Variants in SLC9A9 observed in about 807,000 individuals in gnomAD.
The protein encoded by SLC9A9 is solute carrier family 9 member A9, also known as sodium/hydrogen exchanger 9.
Under a neutral mutation model 77.8 loss-of-function variants are expected in SLC9A9, and 62 were observed. That is an observed-to-expected ratio of 0.80 (90% CI 0.65 to 0.98). SLC9A9 has a LOEUF of 0.98. SLC9A9 is among the 50% of genes least tolerant of loss of function. The pLI is 0.00. For missense variants in SLC9A9, 775 were observed against 774.9 expected (o/e 1.00, Z 0.00); for synonymous variants, 320 against 283.5 (o/e 1.13, Z -1.29).
chr3:143,740,631 AT>A (rs1306849462), intron 4 of SLC9A9, among the ~76,000 whole-genome samples: 2 of 152,228 alleles, frequency 1.3e-5, no homozygotes, highest in African/African-American at 4.8e-5. Context: ...AATTTATTTA[AT>A]AAATGATCAT....
At chr3:143,732,708 C>T (rs564506326) in intron 4 of SLC9A9, among the ~76,000 whole-genome samples, 2 of 152,328 alleles carry the variant, frequency 1.3e-5, no homozygotes, top group East Asian at 3.9e-4. Context: ...TATTAACCTC[C>T]TTCCCAGCCA....
At chr3:143,550,768 T>A (rs2036868006) in intron 9 of SLC9A9, among the ~76,000 whole-genome samples, 1 of 152,224 alleles carries the variant, frequency 6.6e-6, no homozygotes, top group African/African-American at 2.4e-5. Flanking sequence ...GTTGTGTGGT[T>A]GTTACACAGC....
At chr3:143,451,100 G>C (rs1410770101) in intron 12 of SLC9A9, among the ~76,000 whole-genome samples, 1 of 151,346 alleles carries the variant, frequency 6.6e-6, no homozygotes, top group Non-Finnish European at 1.5e-5. Flanking sequence ...TCCAAACACG[G>C]GGCAGCTTCA....
intron 9 of SLC9A9, among the ~76,000 whole-genome samples, chr3:143,543,176 G>A (rs1252271362): frequency 6.6e-6 from 1 of 152,122 alleles, no homozygotes; most frequent in Non-Finnish European, 1.5e-5. Flanking sequence ...TACCCTTATA[G>A]GATAGAATTC....
At chr3:143,775,390 G>A (rs973565190) in intron 4 of SLC9A9, among the ~76,000 whole-genome samples, 22 of 152,122 alleles carry the variant, frequency 1.4e-4, no homozygotes, top group African/African-American at 4.6e-4. Flanking sequence ...GAAAAATTAA[G>A]AGGTTACATT....
At chr3:143,764,080 CT>C (rs1186678310) in intron 4 of SLC9A9, among the ~76,000 whole-genome samples, 1 of 152,042 alleles carries the variant, frequency 6.6e-6, no homozygotes, top group Non-Finnish European at 1.5e-5. Context: ...TAGAATTTCA[CT>C]TCTTTTTTAA....
intron 13 of SLC9A9, 69 bp from the exon 14 acceptor site, chr3:143,363,632 C>G (rs1553747050): frequency 1.4e-6 from 2 of 1,383,862 alleles, no homozygotes; most frequent in South Asian, 2.4e-5. Flanking sequence ...AAATACATGT[C>G]AAACCAAGTT....
intron 4 of SLC9A9, among the ~76,000 whole-genome samples, chr3:143,781,180 C>T (rs1029712843): frequency 1.3e-5 from 2 of 152,136 alleles, no homozygotes; most frequent in Non-Finnish European, 2.9e-5. Context: ...ATTGCACATT[C>T]TATGTGGACA....
chr3:143,687,142 T>G (rs2108777771), intron 5 of SLC9A9, among the ~76,000 whole-genome samples: 1 of 152,218 alleles, frequency 6.6e-6, no homozygotes, highest in South Asian at 2.1e-4. Flanking sequence ...TGGAGCTAAA[T>G]CGAAAATTGG....
At chr3:143,659,445 C>A (rs924775405) in intron 5 of SLC9A9, among the ~76,000 whole-genome samples, 1 of 152,160 alleles carries the variant, frequency 6.6e-6, no homozygotes, top group African/African-American at 2.4e-5. Context: ...AGATATGAAA[C>A]AAGCAGATAT....
chr3:143,463,335 G>C (rs142246939), intron 12 of SLC9A9, among the ~76,000 whole-genome samples: 1 of 152,132 alleles, frequency 6.6e-6, no homozygotes, highest in Non-Finnish European at 1.5e-5. Context: ...GGCTCCATGC[G>C]GTGCTCTACC....
chr3:143,763,837 A>T (rs917334729), intron 4 of SLC9A9, among the ~76,000 whole-genome samples: 1 of 151,808 alleles, frequency 6.6e-6, no homozygotes, highest in African/African-American at 2.4e-5. Flanking sequence ...AAAGTTGGGG[A>T]TAGGGCCATT....
Position 143,459,569 on chromosome 3 carries a change from G to A in SLC9A9, c.1469+7468C>T, listed in dbSNP as rs541765558. On this transcript the variant is annotated intron_variant, in intron 12 of 15. Transcript: ENST00000316549. ...GTGTCCAGTTGGGGAGCTGGGTAATGTTCTGACTTATAGTTCATTTCTTAT... is the reference window on the plus strand; with the variant it reads ...GTGTCCAGTTGGGGAGCTGGGTAATATTCTGACTTATAGTTCATTTCTTAT... 2.6e-5 allele frequency among the ~76,000 whole-genome samples: 4 copies of A among 152,192 alleles called. No homozygotes were observed. In the East Asian group the frequency reaches 7.7e-4, roughly 29 times the overall value.
intron 4 of SLC9A9, among the ~76,000 whole-genome samples, chr3:143,759,410 T>A (rs1377040323): frequency 3.4e-5 from 4 of 119,146 alleles, no homozygotes; most frequent in African/African-American, 1.9e-4. Context: ...TATTTATTTA[T>A]TTTTTCTTTT....
At chr3:143,755,519 G>A (rs1211913552) in intron 4 of SLC9A9, among the ~76,000 whole-genome samples, 1 of 152,098 alleles carries the variant, frequency 6.6e-6, no homozygotes, top group Non-Finnish European at 1.5e-5. Flanking sequence ...AAGATCTCCT[G>A]TTTTCAAAAT....
intron 12 of SLC9A9, among the ~76,000 whole-genome samples, chr3:143,420,193 G>A (rs188646792): frequency 6.6e-6 from 1 of 152,276 alleles, no homozygotes; most frequent in African/African-American, 2.4e-5. Flanking sequence ...TGGCTGTGTG[G>A]CCTTGGAGAA....
At chr3:143,675,008 A>G (rs2039216054) in intron 5 of SLC9A9, among the ~76,000 whole-genome samples, 1 of 152,122 alleles carries the variant, frequency 6.6e-6, no homozygotes, top group Non-Finnish European at 1.5e-5. Flanking sequence ...TTGACCCTGG[A>G]CCTACGGAAT....
chr3:143,660,622 T>G (rs1017486031), intron 5 of SLC9A9, among the ~76,000 whole-genome samples: 1 of 152,196 alleles, frequency 6.6e-6, no homozygotes, highest in African/African-American at 2.4e-5. Flanking sequence ...CCGCTAAGTT[T>G]GCGGTAATTT....
At chr3:143,772,077 G>A (rs2108840601) in intron 4 of SLC9A9, among the ~76,000 whole-genome samples, 1 of 149,866 alleles carries the variant, frequency 6.7e-6, no homozygotes, top group East Asian at 2.0e-4. Context: ...TGGGAGGGGG[G>A]TGAGCAGAAT....
Sources: gnomAD v4.1 joint callset for allele counts (sites outside exome capture counted in the v4.1 genomes callset) on GRCh38, gnomAD v4.1.1 for gene constraint, MANE v1.5 for transcripts, NCBI Gene and HGNC (gene_info 2026-07-23, HGNC 2026-07-21) for gene names.